CPA6: variants seen among roughly 807,000 people sequenced by gnomAD.
The protein encoded by CPA6 is carboxypeptidase A6.
CPA6 carries 58 observed loss-of-function variants against 63.3 expected under a neutral mutation model. The observed-to-expected ratio is 0.92, with a 90% confidence interval of 0.74 to 1.14. CPA6 has a LOEUF of 1.14. CPA6 is among the 50% of genes most tolerant of loss of function. The probability of loss-of-function intolerance (pLI) is 0.00; values close to 1 mark genes in which losing one functional copy is unlikely to be tolerated. For missense variants in CPA6, 565 were observed against 526.6 expected (o/e 1.07, Z -0.71); for synonymous variants, 185 against 179.0 (o/e 1.03, Z -0.27).
At position 67,607,225 on chromosome 8, in the gene CPA6, CTTCTTCTTCTTCTTCTTCTTCTTCTT is replaced by C. The variant is rs1564021404; in HGVS notation, c.192+16925_192+16950del. Reference sequence around the variant, plus strand: ...TCTTCTTCTTCTTCTTCTTCTTCTTCTTCTTCTTCTTCTTCTTCTTCTTCTTCTCCTCCTCCTCCTTTCTTCTTTCT... The same window carrying C: ...TCTTCTTCTTCTTCTTCTTCTTCTTCCTCCTCCTCCTCCTTTCTTCTTTCT... On this transcript the variant is annotated intron_variant, in intron 2 of 10. Coordinates refer to ENST00000297770, the MANE Select transcript of CPA6 (RefSeq NM_020361.5). Among the ~76,000 whole-genome samples, 113 of 113,526 alleles carry C rather than the reference CTTCTTCTTCTTCTTCTTCTTCTTCTT, an allele frequency of 1.0e-3. 5 individuals carry two copies. Among genetic ancestry groups the C allele is most frequent in the South Asian group, 7.2e-3 (22 of 3,048 alleles). The allele number at this position is 113,526 out of a possible 152,430, so 74.5% of individuals were successfully genotyped here. A position where few individuals can be genotyped will look rare whatever the true frequency, so the allele number is the denominator to read the frequency against.
In CPA6 at chr8:67,475,823, TTTTCTTTCTTTC is replaced by T. The variant is rs1166367674; in HGVS notation, c.838+7933_838+7944del. ...TTTCTTTCTTTCTTTCTTTCCTTTC[TTTTCTTTCTTTC>T]TTTCTTTCTTTCTTTCTTTCTTTCT... On this transcript the variant is annotated intron_variant, in intron 8 of 10. Transcript: ENST00000297770. 7.7e-3 allele frequency among the ~76,000 whole-genome samples: 355 copies of T among 45,936 alleles called. 7 individuals carry two copies. The highest frequency in any genetic ancestry group is 0.026 in the Middle Eastern group (2 of 78). 30.1% of individuals were successfully genotyped at this position (45,936 alleles called of 152,430 possible).
intron 1 of CPA6, among the ~76,000 whole-genome samples, chr8:67,634,018 C>T (rs1166838909): frequency 2.7e-5 from 4 of 146,692 alleles, no homozygotes; most frequent in African/African-American, 1.1e-4. Flanking sequence ...TCCTAACTCC[C>T]TCAATCCAAG....
chr8:67,454,388 A>G (rs925051109), intron 8 of CPA6, among the ~76,000 whole-genome samples: 4 of 152,184 alleles, frequency 2.6e-5, no homozygotes, highest in African/African-American at 9.7e-5. Context: ...GGCCTTAGTT[A>G]TGTAGATTCT....
chr8:67,467,886 TAAAAAA>T (rs539603315), intron 8 of CPA6, among the ~76,000 whole-genome samples: 1 of 109,774 alleles, frequency 9.1e-6, no homozygotes, highest in African/African-American at 3.4e-5. Context: ...AAACCCCGTC[TAAAAAA>T]AAAAAAAAAA....
chr8:67,506,316 C>A (rs550509578), intron 6 of CPA6, among the ~76,000 whole-genome samples: 1 of 152,194 alleles, frequency 6.6e-6, no homozygotes, highest in African/African-American at 2.4e-5. Context: ...CTTCTGGTAT[C>A]TAAATTACAG....
chr8:67,649,253 T>C (rs942782408), intron 1 of CPA6, among the ~76,000 whole-genome samples: 16 of 152,324 alleles, frequency 1.1e-4, no homozygotes, highest in African/African-American at 3.8e-4. Context: ...CTGCATGCAA[T>C]GTGAATCTGG....
intron 1 of CPA6, among the ~76,000 whole-genome samples, chr8:67,674,075 T>C (rs1308286255): frequency 2.6e-5 from 4 of 152,214 alleles, no homozygotes; most frequent in African/African-American, 4.8e-5. Flanking sequence ...CTGGAACTAT[T>C]CTCTCCATTC....
intron 8 of CPA6, among the ~76,000 whole-genome samples, chr8:67,445,990 G>T (rs561511255): frequency 3.9e-5 from 6 of 152,042 alleles, no homozygotes; most frequent in African/African-American, 1.4e-4. Context: ...TACGGCCGGG[G>T]GCGGTGGCTC....
At chr8:67,718,311 A>G (rs1242046519) in intron 1 of CPA6, among the ~76,000 whole-genome samples, 3 of 152,158 alleles carry the variant, frequency 2.0e-5, no homozygotes, top group African/African-American at 7.2e-5. Flanking sequence ...TTAAAAGCCA[A>G]TTTGGGTTAA....
chr8:67,570,333 G>A (rs1813456103), intron 2 of CPA6, among the ~76,000 whole-genome samples: 1 of 152,124 alleles, frequency 6.6e-6, no homozygotes, highest in African/African-American at 2.4e-5. Context: ...TCTTTAAACT[G>A]AAACAAAAGG....
chr8:67,732,041 A>C (rs1276035170), intron 1 of CPA6, among the ~76,000 whole-genome samples: 1 of 152,090 alleles, frequency 6.6e-6, no homozygotes, highest in African/African-American at 2.4e-5. Flanking sequence ...TAGGCCAGCC[A>C]GGAAATGGCA....
At chr8:67,427,432 T>C (rs1809916154) in intron 10 of CPA6, among the ~76,000 whole-genome samples, 1 of 152,238 alleles carries the variant, frequency 6.6e-6, no homozygotes. Context: ...AAAATTTGTA[T>C]ACTTTTCTCT....
intron 2 of CPA6, among the ~76,000 whole-genome samples, chr8:67,575,892 A>C (rs1191379533): frequency 6.6e-6 from 1 of 152,164 alleles, no homozygotes; most frequent in African/African-American, 2.4e-5. Flanking sequence ...TGGAATTGGA[A>C]AAAATCATGT....
chr8:67,623,422 T>C (rs1159882995), intron 2 of CPA6, among the ~76,000 whole-genome samples: 1 of 152,066 alleles, frequency 6.6e-6, no homozygotes, highest in Non-Finnish European at 1.5e-5. Flanking sequence ...TTTTTTTTTT[T>C]CTTGAGACAG....
At chr8:67,678,282 T>C (rs1050245697) in intron 1 of CPA6, among the ~76,000 whole-genome samples, 1 of 148,272 alleles carries the variant, frequency 6.7e-6, no homozygotes, top group Admixed American at 6.7e-5. Flanking sequence ...TGAAATAAAC[T>C]GCATTAAAAT....
intron 1 of CPA6, among the ~76,000 whole-genome samples, chr8:67,744,871 G>A (rs1196124165): frequency 6.6e-6 from 1 of 152,082 alleles, no homozygotes; most frequent in Non-Finnish European, 1.5e-5. Flanking sequence ...CCCTACCTCA[G>A]CCAACACCTC....
At chr8:67,487,775 C>T (rs1421014864) in intron 6 of CPA6, among the ~76,000 whole-genome samples, 1 of 152,200 alleles carries the variant, frequency 6.6e-6, no homozygotes, top group Non-Finnish European at 1.5e-5. Flanking sequence ...TGATATCTCA[C>T]TGTGGTTTTG....
rs117019224 is a variant in CPA6 at position 67,628,256 on chromosome 8, C to T, written c.117-4005G>A. On this transcript the variant is annotated intron_variant, in intron 1 of 10. Coordinates refer to ENST00000297770, the MANE Select transcript of CPA6 (RefSeq NM_020361.5). ...AAGACTGTGTTGCCTGGGTTTGACA[C>T]CTCCCATATTGATTGCCATTCTTCT... is the stretch of plus-strand genomic sequence containing the variant. Among the ~76,000 whole-genome samples the T allele has an allele frequency of 2.1e-3, 325 of 152,108 alleles. 8 individuals are homozygous for T. In the East Asian group the frequency reaches 0.058, roughly 27 times the overall value.
At chr8:67,538,914 C>A (rs978201651) in intron 2 of CPA6, among the ~76,000 whole-genome samples, 3 of 152,170 alleles carry the variant, frequency 2.0e-5, no homozygotes, top group Non-Finnish European at 4.4e-5. Flanking sequence ...CTGCCTTGGA[C>A]TCCCCAAGTG....
Sources: gnomAD v4.1 joint callset for allele counts (sites outside exome capture counted in the v4.1 genomes callset) on GRCh38, gnomAD v4.1.1 for gene constraint, MANE v1.5 for transcripts, NCBI Gene and HGNC (gene_info 2026-07-23, HGNC 2026-07-21) for gene names.